ZDHHC2: variants seen among roughly 807,000 people sequenced by gnomAD.
The protein encoded by ZDHHC2 is palmitoyltransferase ZDHHC2.
A neutral mutation model predicts 55.6 loss-of-function variants in ZDHHC2; 51 were observed. The ratio of observed to expected loss-of-function variants is 0.92; its 90% CI spans 0.73 to 1.16. The LOEUF (loss-of-function observed/expected upper bound fraction) is 1.16. Among genes scored for constraint, ZDHHC2 ranks in the 50% most tolerant of loss-of-function variants. The pLI is 0.00. For missense variants in ZDHHC2, 491 were observed against 442.4 expected (o/e 1.11, Z -0.99); for synonymous variants, 199 against 152.9 (o/e 1.30, Z -2.22).
At chr8:17,180,584 T>C (rs565109357) in intron 1 of ZDHHC2, among the ~76,000 whole-genome samples, 4 of 152,302 alleles carry the variant, frequency 2.6e-5, no homozygotes, top group South Asian at 4.1e-4. Context: ...ATTATAATTG[T>C]ACATTCATGG....
chr8:17,210,565 A>T, intron 10 of ZDHHC2, 85 bp downstream of exon 10: 1 of 1,184,008 alleles, frequency 8.4e-7, no homozygotes, highest in Non-Finnish European at 1.2e-6. Flanking sequence ...CTTTGAAAAA[A>T]AATGAAGACC....
chr8:17,217,257 T>C lies in ZDHHC2; in HGVS notation c.*34+11T>C. 1 of 1,557,458 alleles carries C rather than the reference T, an allele frequency of 6.4e-7. No individual in the cohort carries two copies. The highest frequency in any genetic ancestry group is 8.7e-7 in the Non-Finnish European group (1 of 1,143,558). ...TCATACTTTATAAAAGTACGATAAT[T>C]TTCCCTTTATTGTTTTATATTTTTA... On this transcript the variant is annotated intron_variant, in intron 12 of 12. Coordinates refer to ENST00000262096, the MANE Select transcript of ZDHHC2 (RefSeq NM_016353.5).
At chr8:17,214,599 C>A (rs1245751632) in intron 10 of ZDHHC2, among the ~76,000 whole-genome samples, 2 of 152,126 alleles carry the variant, frequency 1.3e-5, no homozygotes, top group Non-Finnish European at 2.9e-5. Flanking sequence ...GCGTAACTTT[C>A]TATAAATAGA....
intron 3 of ZDHHC2, among the ~76,000 whole-genome samples, chr8:17,191,271 A>G (rs775248596): frequency 1.3e-5 from 2 of 151,364 alleles, no homozygotes; most frequent in Admixed American, 1.3e-4. Context: ...AAATTTTTGT[A>G]TTTTTAATAG....
intron 3 of ZDHHC2, among the ~76,000 whole-genome samples, chr8:17,191,280 A>G (rs1344819640): frequency 1.3e-5 from 2 of 152,084 alleles, no homozygotes; most frequent in Non-Finnish European, 2.9e-5. Context: ...TATTTTTAAT[A>G]GAGATGGGGT....
intron 1 of ZDHHC2, among the ~76,000 whole-genome samples, chr8:17,158,208 T>A (rs951036879): frequency 4.6e-5 from 7 of 152,160 alleles, no homozygotes; most frequent in African/African-American, 1.7e-4. Context: ...GGAAAGGACG[T>A]GTAGTAAATT....
chr8:17,219,853 C>T (rs1483144576), intron 12 of ZDHHC2, among the ~76,000 whole-genome samples: 1 of 152,140 alleles, frequency 6.6e-6, no homozygotes, highest in Non-Finnish European at 1.5e-5. Context: ...CCTAAATGTC[C>T]TTCCTGACTC....
At chr8:17,162,640 T>G (rs1309644000) in intron 1 of ZDHHC2, among the ~76,000 whole-genome samples, 1 of 152,128 alleles carries the variant, frequency 6.6e-6, no homozygotes, top group Non-Finnish European at 1.5e-5. Context: ...CAAGATAACT[T>G]CATAGAGATC....
chr8:17,198,608 A>G (rs995291726), intron 6 of ZDHHC2, among the ~76,000 whole-genome samples, 195 bp downstream of exon 6: 2 of 152,216 alleles, frequency 1.3e-5, no homozygotes, highest in Non-Finnish European at 2.9e-5. Flanking sequence ...AATACTTTTA[A>G]AACCAGTAGG....
At chr8:17,171,987 A>G (rs767327270) in intron 1 of ZDHHC2, among the ~76,000 whole-genome samples, 7 of 151,878 alleles carry the variant, frequency 4.6e-5, no homozygotes, top group Non-Finnish European at 8.8e-5. Context: ...GCTGACTCCC[A>G]GCACATCCAA....
rs1297174738 is a variant in ZDHHC2 at position 17,215,186 on chromosome 8, T to C, written c.951-51T>C. ...TACATTGAGAAACAATCAACTTTAC[T>C]ATCAAAAATTAGCTTATGATGATTT... On this transcript the variant is annotated intron_variant, in intron 10 of 12. Transcript: ENST00000262096. 8 of 1,479,540 alleles carry C rather than the reference T, an allele frequency of 5.4e-6. No homozygotes were observed. The African/African-American group carries it at 1.1e-4, about 21-fold the overall frequency. 91.7% of individuals were successfully genotyped at this position (1,479,540 alleles called of 1,614,324 possible).
At chr8:17,166,922 T>C (rs989222990) in intron 1 of ZDHHC2, among the ~76,000 whole-genome samples, 1 of 152,174 alleles carries the variant, frequency 6.6e-6, no homozygotes, top group Non-Finnish European at 1.5e-5. Flanking sequence ...CGTATACCAG[T>C]GTACGAGTTG....
chr8:17,160,903 G>A (rs914814565), intron 1 of ZDHHC2, among the ~76,000 whole-genome samples: 6 of 152,214 alleles, frequency 3.9e-5, no homozygotes, highest in African/African-American at 1.4e-4. Context: ...TTGGGCAAAA[G>A]TTTGCTGAGC....
At chr8:17,200,537 G>C (rs118075080) in intron 6 of ZDHHC2, among the ~76,000 whole-genome samples, 1 of 152,130 alleles carries the variant, frequency 6.6e-6, no homozygotes, top group Admixed American at 6.5e-5. Flanking sequence ...GGATTGTGAT[G>C]ACAAGGAATG....
At position 17,194,815 on chromosome 8, in the gene ZDHHC2, T is replaced by C. The variant is rs534244826; in HGVS notation, c.253-689T>C. ...TACATTTGAGTTGTGTTCTTTTTTT[T>C]GTATTTCAAACAATGATACTGAGAT... On this transcript the variant is annotated intron_variant, in intron 3 of 12. Transcript: ENST00000262096. Among the ~76,000 whole-genome samples, 28 of 152,312 alleles carry C rather than the reference T, an allele frequency of 1.8e-4. 1 individual carries two copies. Among genetic ancestry groups the C allele is most frequent in the African/African-American group, 6.3e-4 (26 of 41,570 alleles).
intron 1 of ZDHHC2, among the ~76,000 whole-genome samples, chr8:17,172,248 C>T (rs908294464): frequency 6.6e-6 from 1 of 152,188 alleles, no homozygotes; most frequent in Non-Finnish European, 1.5e-5. Context: ...AAATCTAGCC[C>T]CTTTTTCAGG....
intron 6 of ZDHHC2, among the ~76,000 whole-genome samples, chr8:17,199,644 C>CTCT (rs1439437738): frequency 3.2e-5 from 1 of 31,124 alleles, no homozygotes; most frequent in African/African-American, 6.6e-5. Flanking sequence ...TCTTCTCCTC[C>CTCT]TCCTCCTCCC....
chr8:17,178,180 C>G (rs1255271161), intron 1 of ZDHHC2, among the ~76,000 whole-genome samples: 2 of 152,056 alleles, frequency 1.3e-5, no homozygotes, highest in Non-Finnish European at 1.5e-5. Context: ...CATCAGTTTA[C>G]TAGGCTGCTG....
intron 3 of ZDHHC2, among the ~76,000 whole-genome samples, chr8:17,189,070 C>T (rs996309846): frequency 1.3e-4 from 19 of 150,670 alleles, no homozygotes; most frequent in African/African-American, 4.4e-4. Flanking sequence ...TATAGATTTG[C>T]AGTAGCCTCT....
Sources: gnomAD v4.1 joint callset for allele counts (sites outside exome capture counted in the v4.1 genomes callset) on GRCh38, gnomAD v4.1.1 for gene constraint, MANE v1.5 for transcripts, NCBI Gene and HGNC (gene_info 2026-07-23, HGNC 2026-07-21) for gene names.